RBFOX1: variants seen among roughly 807,000 people sequenced by gnomAD.
RBFOX1 encodes the protein RNA binding fox-1 homolog 1.
A neutral mutation model predicts 57.7 loss-of-function variants in RBFOX1; 8 were observed. The observed-to-expected ratio is 0.14, with a 90% CI of 0.08 to 0.25. The LOEUF (loss-of-function observed/expected upper bound fraction) is 0.25. RBFOX1 is among the 10% of genes least tolerant of loss of function. RBFOX1 has a pLI of 1.00. For synonymous variants in RBFOX1, 326 were observed against 222.4 expected, an observed-to-expected ratio of 1.47 and a Z score of -4.15; for missense variants, 611 against 548.5, an observed-to-expected ratio of 1.11 and a Z score of -1.14.
At chr16:6,262,340 G>A (rs1339619655) in intron 1 of RBFOX1, among the ~76,000 whole-genome samples, 1 of 152,084 alleles carries the variant, frequency 6.6e-6, no homozygotes, top group African/African-American at 2.4e-5. Flanking sequence ...TAGTCACATG[G>A]GTACCTCTAC....
intron 2 of RBFOX1, 29 bp from the exon 3 acceptor site, chr16:6,654,574 C>G (rs769682147): frequency 1.4e-5 from 21 of 1,491,010 alleles, no homozygotes; most frequent in Admixed American, 2.4e-5. Context: ...TTCTTTCTCT[C>G]ACTTTCCTTT....
chr16:5,746,321 A>G (rs1405848960), intron 3 of RBFOX1, among the ~76,000 whole-genome samples: 3 of 152,332 alleles, frequency 2.0e-5, no homozygotes, highest in East Asian at 3.9e-4. Context: ...TACCAGTACC[A>G]TGCTGTTTTG....
chr16:7,110,961 G>A (rs1192652351), intron 4 of RBFOX1, among the ~76,000 whole-genome samples: 1 of 152,110 alleles, frequency 6.6e-6, no homozygotes, highest in African/African-American at 2.4e-5. Context: ...CTGAAATTGT[G>A]TATCGTACAG....
chr16:7,312,385 G>A (rs960507551), intron 4 of RBFOX1, among the ~76,000 whole-genome samples: 4 of 152,174 alleles, frequency 2.6e-5, no homozygotes, highest in African/African-American at 9.7e-5. Flanking sequence ...TTTCTCAACA[G>A]CAGCAACAAC....
intron 1 of RBFOX1, among the ~76,000 whole-genome samples, chr16:6,281,800 A>G (rs955215624): frequency 2.6e-5 from 4 of 152,292 alleles, no homozygotes; most frequent in African/African-American, 9.6e-5. Context: ...AAAGCCTCCA[A>G]GGAAAGTGAA....
chr16:5,481,822 C>T (rs1373187511), intron 2 of RBFOX1, among the ~76,000 whole-genome samples: 3 of 152,244 alleles, frequency 2.0e-5, no homozygotes, highest in African/African-American at 4.8e-5. Context: ...GATGATCTGC[C>T]TTCTGACCGT....
intron 2 of RBFOX1, among the ~76,000 whole-genome samples, chr16:6,544,282 C>T (rs2096865102): frequency 6.6e-6 from 1 of 152,126 alleles, no homozygotes; most frequent in South Asian, 2.1e-4. Context: ...AAGAAATTAG[C>T]CTCATAACTT....
chr16:7,681,769 G>C (rs2074818996), intron 14 of RBFOX1, among the ~76,000 whole-genome samples: 2 of 151,890 alleles, frequency 1.3e-5, no homozygotes, highest in South Asian at 2.1e-4. Context: ...GGATAATTTG[G>C]AACCCTTAAT....
chr16:6,761,636 G>C (rs1378346852), intron 3 of RBFOX1, among the ~76,000 whole-genome samples: 1 of 147,590 alleles, frequency 6.8e-6, no homozygotes, highest in East Asian at 2.1e-4. Flanking sequence ...CCTCCCAAGT[G>C]GCTGGGATTA....
intron 5 of RBFOX1, among the ~76,000 whole-genome samples, chr16:7,567,224 T>C (rs2091943615): frequency 6.9e-6 from 1 of 144,830 alleles, no homozygotes; most frequent in East Asian, 2.0e-4. Context: ...TCCATATATA[T>C]ATCCCTATAT....
chr16:7,394,399 C>G (rs1020266012), intron 4 of RBFOX1, among the ~76,000 whole-genome samples: 1 of 152,014 alleles, frequency 6.6e-6, no homozygotes, highest in Non-Finnish European at 1.5e-5. Context: ...TCTCCTTAGT[C>G]TTCAGCCTGA....
chr16:7,465,159 C>A (rs1327686490), intron 4 of RBFOX1, among the ~76,000 whole-genome samples: 2 of 152,306 alleles, frequency 1.3e-5, no homozygotes, highest in Middle Eastern at 3.4e-3. Context: ...ACTTTTTCCA[C>A]CTAGAATCCT....
At chr16:6,661,757 G>C (rs541007758) in intron 3 of RBFOX1, among the ~76,000 whole-genome samples, 2 of 152,200 alleles carry the variant, frequency 1.3e-5, no homozygotes, top group East Asian at 1.9e-4. Flanking sequence ...CTTGTGATGT[G>C]TGACAGAATG....
chr16:6,132,047 G>C lies in RBFOX1; in HGVS notation c.-127+112055G>C, dbSNP rs113768036. ...TTGTTTAGTATGATTATTTTATTTTGCCAAATAGAAGCTTAACACGCTTTA... is the reference window on the plus strand; with the variant it reads ...TTGTTTAGTATGATTATTTTATTTTCCCAAATAGAAGCTTAACACGCTTTA... On this transcript the variant is annotated intron_variant, in intron 1 of 15. Coordinates refer to ENST00000550418, the MANE Select transcript of RBFOX1 (RefSeq NM_018723.4). Among the ~76,000 whole-genome samples the C allele has an allele frequency of 9.9e-3, 1,503 of 152,210 alleles. 26 individuals are homozygous for C. The highest frequency in any genetic ancestry group is 0.034 in the African/African-American group (1,399 of 41,524).
chr16:5,446,241 G>C lies in RBFOX1; in HGVS notation c.220-20975G>C, dbSNP rs146688233. Among the ~76,000 whole-genome samples, 3 of 152,302 alleles carry C rather than the reference G, an allele frequency of 2.0e-5. No homozygotes were observed. In the East Asian group the frequency reaches 5.8e-4, roughly 29 times the overall value. Reference sequence around the variant, plus strand: ...ACATTTTTCAAGCAAAAGGGACAATGATCTGGTTGCTGGCTTCTGTGGGCA... The same window carrying C: ...ACATTTTTCAAGCAAAAGGGACAATCATCTGGTTGCTGGCTTCTGTGGGCA... On this transcript the variant is annotated intron_variant, in intron 1 of 2. Transcript: ENST00000585867.
rs1217080652 is a variant in RBFOX1, at chr16:6,657,122, CCTCTCCTCTCCTCTT to C, written c.-16+2482_-16+2496del. ...ACTCTCCTCTCCTCCCCTCTCCTCT[CCTCTCCTCTCCTCTT>C]CTCTCCTCTTCTCTCCTCTTTTCCT... On this transcript the variant is annotated intron_variant, in intron 3 of 15. Transcript: ENST00000550418. Among the ~76,000 whole-genome samples, 41 of 147,676 alleles carry C rather than the reference CCTCTCCTCTCCTCTT, an allele frequency of 2.8e-4. 2 individuals are homozygous for C. Among genetic ancestry groups the C allele is most frequent in the African/African-American group, 9.3e-4 (37 of 39,804 alleles).
At chr16:6,730,454 A>C (rs1470997420) in intron 3 of RBFOX1, among the ~76,000 whole-genome samples, 1 of 4,644 alleles carries the variant, frequency 2.2e-4, no homozygotes, top group African/African-American at 2.2e-4. Flanking sequence ...TTATCAAATT[A>C]TCTAATCTAT....
chr16:7,145,730 A>G (rs1484284987), intron 4 of RBFOX1, among the ~76,000 whole-genome samples: 1 of 152,168 alleles, frequency 6.6e-6, no homozygotes, highest in African/African-American at 2.4e-5. Flanking sequence ...TAAGCTTGAC[A>G]TCTCCCAGTG....
chr16:6,458,403 G>T (rs2795572), intron 2 of RBFOX1, among the ~76,000 whole-genome samples: 1 of 152,078 alleles, frequency 6.6e-6, no homozygotes, highest in Non-Finnish European at 1.5e-5. Context: ...GAAGATAGCC[G>T]TAGAACCAGA....
Sources: gnomAD v4.1 joint callset for allele counts (sites outside exome capture counted in the v4.1 genomes callset) on GRCh38, gnomAD v4.1.1 for gene constraint, MANE v1.5 for transcripts, NCBI Gene and HGNC (gene_info 2026-07-23, HGNC 2026-07-21) for gene names.